SSH2: variants seen among roughly 807,000 people sequenced by gnomAD.
The protein encoded by SSH2 is slingshot protein phosphatase 2.
A neutral mutation model predicts 135.2 loss-of-function variants in SSH2; 37 were observed. The observed-to-expected ratio is 0.27, with a 90% CI of 0.21 to 0.36. The LOEUF (loss-of-function observed/expected upper bound fraction) is 0.36. Among genes scored for constraint, SSH2 ranks in the 10% least tolerant of loss-of-function variants. The probability of loss-of-function intolerance (pLI) is 1.00; values close to 1 mark genes in which losing one functional copy is unlikely to be tolerated. For missense variants in SSH2, 1,408 were observed against 1,765.3 expected, an observed-to-expected ratio of 0.80 and a Z score of 3.63; for synonymous variants, 628 against 646.2, an observed-to-expected ratio of 0.97 and a Z score of 0.43.
chr17:29,673,798 T>C (rs2037594825), intron 8 of SSH2: 1 of 300,504 alleles, frequency 3.3e-6, no homozygotes, highest in Non-Finnish European at 6.6e-6. Flanking sequence ...TAACTTGCTC[T>C]TTTGCTTTAC....
chr17:29,862,673 G>C (rs573822124), intron 1 of SSH2, among the ~76,000 whole-genome samples: 2 of 152,310 alleles, frequency 1.3e-5, no homozygotes, highest in African/African-American at 4.8e-5. Flanking sequence ...GTGGCTAAGA[G>C]AGTCAAGATA....
chr17:29,876,748 C>G (rs1044074857), intron 1 of SSH2, among the ~76,000 whole-genome samples: 1 of 152,038 alleles, frequency 6.6e-6, no homozygotes, highest in African/African-American at 2.4e-5. Context: ...AATCTAAGAC[C>G]TCAAACTATG....
chr17:29,793,365 G>A (rs548505340), intron 3 of SSH2, among the ~76,000 whole-genome samples: 3 of 152,206 alleles, frequency 2.0e-5, no homozygotes, highest in Non-Finnish European at 4.4e-5. Flanking sequence ...TAGAAACAAA[G>A]TGAAATATTT....
At chr17:29,849,827 C>T (rs2065517689) in intron 1 of SSH2, among the ~76,000 whole-genome samples, 1 of 122,484 alleles carries the variant, frequency 8.2e-6, no homozygotes, top group East Asian at 2.5e-4. Context: ...TAGTAAAACC[C>T]TGTCTGTACT....
Position 29,905,544 on chromosome 17 carries a change from C to T in SSH2, c.63+24394G>A, listed in dbSNP as rs1341928219. Among the ~76,000 whole-genome samples, 5 of 152,346 alleles carry T rather than the reference C, an allele frequency of 3.3e-5. No individual in the cohort carries two copies. In the East Asian group the frequency reaches 7.7e-4, roughly 24 times the overall value. ...GGAGCAGGCAGGAGCCACCACTCCTCAACCCAGATGTGCCTGCCCCTGCTG... is the reference window on the plus strand; with the variant it reads ...GGAGCAGGCAGGAGCCACCACTCCTTAACCCAGATGTGCCTGCCCCTGCTG... On this transcript the variant is annotated intron_variant, in intron 1 of 15. Coordinates refer to ENST00000540801, the MANE Select transcript of SSH2 (RefSeq NM_001282129.2).
intron 3 of SSH2, among the ~76,000 whole-genome samples, chr17:29,788,809 A>G (rs1373254605): frequency 6.6e-6 from 1 of 152,194 alleles, no homozygotes; most frequent in East Asian, 1.9e-4. Context: ...AGTGCATGCT[A>G]GAAAAAGCCA....
intron 2 of SSH2, among the ~76,000 whole-genome samples, chr17:29,830,302 T>C (rs908766560): frequency 5.3e-5 from 8 of 152,216 alleles, no homozygotes; most frequent in Admixed American, 3.3e-4. Flanking sequence ...TGTAAGTTTT[T>C]AATTCGTGTC....
intron 3 of SSH2, among the ~76,000 whole-genome samples, chr17:29,725,712 C>A (rs1230679235): frequency 6.6e-6 from 1 of 152,100 alleles, no homozygotes; most frequent in Non-Finnish European, 1.5e-5. Context: ...AACACATGGA[C>A]ACAGGGAAGG....
intron 1 of SSH2, among the ~76,000 whole-genome samples, chr17:29,889,496 A>G (rs2066306857): frequency 6.6e-6 from 1 of 152,036 alleles, no homozygotes; most frequent in Non-Finnish European, 1.5e-5. Flanking sequence ...ATAGGGGTAA[A>G]TCTTCATGAT....
chr17:29,807,108 T>C (rs2042359659), intron 2 of SSH2, among the ~76,000 whole-genome samples: 1 of 152,192 alleles, frequency 6.6e-6, no homozygotes, highest in Non-Finnish European at 1.5e-5. Flanking sequence ...AAAGGAAACA[T>C]TATCTAGAAA....
intron 1 of SSH2, among the ~76,000 whole-genome samples, chr17:29,902,171 GAT>G (rs1009526083): frequency 2.0e-5 from 3 of 152,124 alleles, no homozygotes; most frequent in African/African-American, 7.2e-5. Context: ...CTTTCTGAAA[GAT>G]ATGATACATG....
At chr17:29,833,644 TTTCCTTCCTTCC>T (rs113649605) in intron 2 of SSH2, among the ~76,000 whole-genome samples, 3 of 132,314 alleles carry the variant, frequency 2.3e-5, no homozygotes, top group African/African-American at 5.7e-5. Flanking sequence ...TCTGTTTTTT[TTTCCTTCCTTCC>T]TTCCTTCCTT....
chr17:29,785,908 C>A lies in SSH2; in HGVS notation c.188+7986G>T, dbSNP rs552544685. Among the ~76,000 whole-genome samples the A allele has an allele frequency of 2.0e-3, 300 of 150,392 alleles. 1 individual carries two copies. The highest frequency in any genetic ancestry group is 7.1e-3 in the African/African-American group (290 of 40,894). On this transcript the variant is annotated intron_variant, in intron 3 of 15. Transcript: ENST00000540801. ...CAAGCTCTGCCTCCTGGGTTCACAC[C>A]ATTCTCCTGCCTCAGCCTCCCCAGT...
intron 3 of SSH2, among the ~76,000 whole-genome samples, chr17:29,783,320 A>C (rs1014880695): frequency 1.4e-5 from 2 of 142,052 alleles, no homozygotes; most frequent in East Asian, 3.9e-4. Context: ...AACATATATT[A>C]TATATATATA....
chr17:29,745,691 C>A (rs2040737170), intron 3 of SSH2, among the ~76,000 whole-genome samples: 1 of 152,168 alleles, frequency 6.6e-6, no homozygotes. Context: ...AGAATGTTTA[C>A]CATCATGCTA....
chr17:29,926,592 C>A (rs900617562), intron 1 of SSH2, among the ~76,000 whole-genome samples: 10 of 151,600 alleles, frequency 6.6e-5, no homozygotes, highest in Admixed American at 2.0e-4. Flanking sequence ...CCACTGTGAT[C>A]ATTTCTACTC....
intron 3 of SSH2, among the ~76,000 whole-genome samples, chr17:29,704,752 C>T (rs1036442776): frequency 1.3e-5 from 2 of 149,504 alleles, no homozygotes; most frequent in Admixed American, 1.3e-4. Flanking sequence ...AGTGGATACC[C>T]ACAAACAACC....
At position 29,631,061 on chromosome 17, in the gene SSH2, C is replaced by T. The variant is rs531618802; in HGVS notation, c.4133G>A (p.Gly1378Asp). The change falls in exon 16 of 16, where the codon GGT (glycine) becomes GAT (aspartate). Residue 1378 changes from glycine to aspartate, a missense_variant. Gly to Asp is a moderately conservative substitution (Grantham distance 94). Transcript: ENST00000540801. ...GGGGAGCAAATACTGCTGACTAGAA[C>T]CAAATTCTTTGGCATACTGCACAAG... ...RPLVQYAKEFGSSQQYLLPRA... is the reference protein window; with the variant it reads ...RPLVQYAKEFDSSQQYLLPRA... The T allele has an allele frequency of 4.1e-5, 66 of 1,614,212 alleles. No homozygotes were observed. In the East Asian group the frequency reaches 8.0e-4, roughly 20 times the overall value.
At chr17:29,723,022 T>G (rs1286877511) in intron 3 of SSH2, among the ~76,000 whole-genome samples, 1 of 152,168 alleles carries the variant, frequency 6.6e-6, no homozygotes, top group Non-Finnish European at 1.5e-5. Context: ...TGTCTACTAC[T>G]CAAATAAGGA....
Sources: allele counts gnomAD v4.1 joint callset (sites outside exome capture counted in the v4.1 genomes callset), GRCh38; gene constraint gnomAD v4.1.1; transcripts MANE v1.5; gene names NCBI Gene and HGNC (gene_info 2026-07-23, HGNC 2026-07-21).